BAZ1B: variants seen among roughly 807,000 people sequenced by gnomAD.
The protein encoded by BAZ1B is bromodomain adjacent to zinc finger domain 1B.
A neutral mutation model predicts 153.8 loss-of-function variants in BAZ1B; 22 were observed. The ratio of observed to expected loss-of-function variants is 0.14; its 90% CI spans 0.10 to 0.20. BAZ1B has a LOEUF of 0.20. Ranked by LOEUF, BAZ1B falls within the 10% of genes least tolerant of loss-of-function variation. The pLI, the probability that BAZ1B is intolerant of heterozygous loss-of-function variation, is 1.00. For synonymous variants in BAZ1B, 676 were observed against 633.4 expected, an observed-to-expected ratio of 1.07 and a Z score of -1.01; for missense variants, 1,325 against 1,799.3, an observed-to-expected ratio of 0.74 and a Z score of 4.77.
At chr7:73,468,488 C>G (rs1788676341) in intron 9 of BAZ1B, among the ~76,000 whole-genome samples, 1 of 151,870 alleles carries the variant, frequency 6.6e-6, no homozygotes, top group African/African-American at 2.4e-5. Flanking sequence ...CCTAACCTAA[C>G]CATCTTATTT....
chr7:73,521,524 C>T lies in BAZ1B; in HGVS notation c.107+303G>A, dbSNP rs755670169. On this transcript the variant is annotated intron_variant, in intron 1 of 19. Transcript: ENST00000339594. ...GGGTCCTCAAGGCCTAAAGCCAACC[C>T]GGGGAAGGTAATGGGGATGGGGGAT... Among the ~76,000 whole-genome samples the T allele has an allele frequency of 2.6e-4, 40 of 152,164 alleles. 1 individual carries two copies. Among genetic ancestry groups the T allele is most frequent in the South Asian group, 2.1e-4 (1 of 4,830 alleles).
intron 1 of BAZ1B, among the ~76,000 whole-genome samples, chr7:73,511,997 C>A (rs1315275818): frequency 8.1e-6 from 1 of 123,764 alleles, no homozygotes; most frequent in Non-Finnish European, 1.6e-5. Context: ...CACTGCACTA[C>A]AGCCTGGGTG....
At chr7:73,469,227 G>C (rs925853226) in intron 9 of BAZ1B, among the ~76,000 whole-genome samples, 9 of 151,866 alleles carry the variant, frequency 5.9e-5, no homozygotes, top group Non-Finnish European at 1.0e-4. Flanking sequence ...ACCTACAAAG[G>C]CTTCCAAGGG....
chr7:73,506,013 G>A (rs1030995875), intron 3 of BAZ1B, among the ~76,000 whole-genome samples: 2 of 152,234 alleles, frequency 1.3e-5, no homozygotes, highest in South Asian at 2.1e-4. Context: ...CAAGATTTCC[G>A]TGCAAATTCT....
chr7:73,442,658 G>T, intron 18 of BAZ1B, 67 bp downstream of exon 18: 1 of 1,563,588 alleles, frequency 6.4e-7, no homozygotes, highest in Non-Finnish European at 8.7e-7. Flanking sequence ...GCCCCTCAGG[G>T]GCTCTGGAAG....
rs1554580286 is a variant in BAZ1B, at chr7:73,521,861, T to C, written c.73A>G (p.Ile25Val). Residue 25 changes from isoleucine (I) to valine (V), a missense_variant, in exon 1 of 20, where the codon ATC (isoleucine) becomes GTC (valine). Physicochemically the swap from Ile to Val is conservative, Grantham distance 29. This residue lies in a region of BAZ1B where 61 missense variants were observed against 61.5 expected (regional missense o/e 0.99). Coordinates refer to ENST00000339594, the MANE Select transcript of BAZ1B (RefSeq NM_032408.4). The part of the protein sequence containing the change: ...PLPGEEPLFT[I>V]PHTQEAFRTR... The stretch of plus-strand genomic sequence containing the variant: ...CGGAAGGCCTCCTGAGTGTGCGGGA[T>C]GGTGAAGAGCGGCTCCTCTCCGGGC... 2.0e-6 allele frequency: 3 copies of C among 1,509,648 alleles called. No homozygotes were observed. The highest frequency in any genetic ancestry group is 2.7e-6 in the Non-Finnish European group (3 of 1,125,098). The allele number at this position is 1,509,648 out of a possible 1,614,324, so 93.5% of individuals were successfully genotyped here.
At chr7:73,463,279 C>CTG (rs1168506815) in intron 11 of BAZ1B, among the ~76,000 whole-genome samples, 180 bp from the exon 12 acceptor site, 2 of 132,704 alleles carry the variant, frequency 1.5e-5, no homozygotes, top group Non-Finnish European at 3.1e-5. Flanking sequence ...GGGTCTTGCT[C>CTG]TGTCACACAG....
chr7:73,449,445 A>G (rs1463279256), intron 15 of BAZ1B, 97 bp downstream of exon 15: 39 of 1,388,106 alleles, frequency 2.8e-5, no homozygotes, highest in Non-Finnish European at 3.4e-5. Flanking sequence ...ATGAACTTAA[A>G]GCTCCTTAGA....
intron 6 of BAZ1B, among the ~76,000 whole-genome samples, chr7:73,483,295 C>T (rs1428723233): frequency 6.6e-6 from 1 of 152,160 alleles, no homozygotes; most frequent in African/African-American, 2.4e-5. Context: ...CTTGTAGCAG[C>T]TCATTCAGAT....
chr7:73,516,834 C>T (rs1790823457), intron 1 of BAZ1B, among the ~76,000 whole-genome samples: 2 of 140,054 alleles, frequency 1.4e-5, no homozygotes, highest in African/African-American at 5.4e-5. Context: ...CCCCTAACAA[C>T]GGCTATTTTA....
chr7:73,482,955 A>AG (rs1491253102), intron 6 of BAZ1B, among the ~76,000 whole-genome samples: 77 of 151,942 alleles, frequency 5.1e-4, no homozygotes, highest in African/African-American at 1.8e-3. Flanking sequence ...GGCTGGACTC[A>AG]GGGGGATCTG....
chr7:73,453,308 CT>C (rs1207494861), intron 13 of BAZ1B, among the ~76,000 whole-genome samples: 1 of 152,242 alleles, frequency 6.6e-6, no homozygotes, highest in East Asian at 1.9e-4. Flanking sequence ...CATTTATGTA[CT>C]GTGTCTGGAC....
At chr7:73,518,295 C>T (rs980136111) in intron 1 of BAZ1B, among the ~76,000 whole-genome samples, 1 of 151,458 alleles carries the variant, frequency 6.6e-6, no homozygotes, top group South Asian at 2.1e-4. Flanking sequence ...CGCCTGTAGT[C>T]CCAGCTACTC....
intron 2 of BAZ1B, among the ~76,000 whole-genome samples, chr7:73,510,273 C>CA (rs1790525709): frequency 6.6e-6 from 1 of 151,790 alleles, no homozygotes; most frequent in Non-Finnish European, 1.5e-5. Flanking sequence ...ACTAAAACTA[C>CA]AAAAAATTAT....
rs149643730 is a variant in BAZ1B at position 73,444,070 on chromosome 7, C to G, written c.3904G>C (p.Gly1302Arg). The G allele has an allele frequency of 3.1e-5, 50 of 1,613,534 alleles. No homozygotes were observed. The highest frequency in any genetic ancestry group is 4.2e-5 in the Non-Finnish European group (49 of 1,179,808). The change falls in exon 17 of 20, where the codon GGC (glycine) becomes CGC (arginine). Residue 1302 changes from glycine to arginine, a missense_variant. By Grantham distance (125) the Gly-to-Arg change is moderately radical. Transcript: ENST00000339594. Reference protein sequence around the residue: ...HSVIPPAARSGRRPGKKPHST... With the variant: ...HSVIPPAARSRRRPGKKPHST... ...TGTGGCTTCTTACCCGGGCGCCGGCCTGACCTTGCTGCAGGGGGGATGACG... is the reference window on the plus strand; with the variant it reads ...TGTGGCTTCTTACCCGGGCGCCGGCGTGACCTTGCTGCAGGGGGGATGACG...
At chr7:73,467,253 C>T (rs1788626493) in intron 9 of BAZ1B, among the ~76,000 whole-genome samples, 1 of 152,022 alleles carries the variant, frequency 6.6e-6, no homozygotes, top group Non-Finnish European at 1.5e-5. Context: ...TATTTGAAGC[C>T]TTACCTCATA....
At chr7:73,472,750 T>A (rs1428045921) in intron 7 of BAZ1B, among the ~76,000 whole-genome samples, 1 of 132,880 alleles carries the variant, frequency 7.5e-6, no homozygotes, top group South Asian at 2.2e-4. Context: ...CTAATTTATT[T>A]ATTTATTTAT....
rs552268280 is a variant in BAZ1B, at chr7:73,496,523, C to T, written c.571+1974G>A. ...AACATTTGATCCTCTAATACTCATG[C>T]GGAGGGAGACCAATACACACCAAAC... is the stretch of plus-strand genomic sequence containing the variant. On this transcript the variant is annotated intron_variant, in intron 4 of 19. Transcript: ENST00000339594. 5.3e-5 allele frequency among the ~76,000 whole-genome samples: 8 copies of T among 152,248 alleles called. No homozygotes were observed. In the South Asian group the frequency reaches 8.3e-4, roughly 16 times the overall value.
Position 73,477,329 on chromosome 7 carries a change from T to C in BAZ1B, c.2132A>G (p.Asp711Gly), listed in dbSNP as rs1442443262. Residue 711 changes from aspartate to glycine, a missense_variant, in exon 7 of 20, where the codon GAT becomes GGT. Asp to Gly is a moderately conservative substitution (Grantham distance 94). Coordinates refer to ENST00000339594, the MANE Select transcript of BAZ1B (RefSeq NM_032408.4). This position sits in a 1 kb window ranked among gnomAD's most constrained non-coding sequence, Gnocchi z 5.6. The stretch of plus-strand genomic sequence containing the variant: ...AAATGCAGCTGAATCTTTATTGTCA[T>C]CTGTGTCTGAGCCCTCGCTTTCCTC... The part of the protein sequence containing the change: ...VQEESEGSDT[D>G]DNKDSAAFED... 2 of 1,614,160 alleles carry C rather than the reference T, an allele frequency of 1.2e-6. No homozygotes were observed. Among genetic ancestry groups the C allele is most frequent in the African/African-American group, 1.3e-5 (1 of 74,954 alleles).
Sources: allele counts gnomAD v4.1 joint callset (sites outside exome capture counted in the v4.1 genomes callset), GRCh38; gene constraint gnomAD v4.1.1; regional missense constraint gnomAD v4.1.1; non-coding constraint Gnocchi (gnomAD v3.1); transcripts MANE v1.5; gene names NCBI Gene and HGNC (gene_info 2026-07-23, HGNC 2026-07-21).